The following STK24 variants were observed in gnomAD, a reference collection of about 807,000 sequenced individuals.
The protein encoded by STK24 is serine/threonine kinase 24.
Under a neutral mutation model 55.6 loss-of-function variants are expected in STK24, and 21 were observed. The observed-to-expected ratio is 0.38, with a 90% CI of 0.27 to 0.54. The LOEUF (loss-of-function observed/expected upper bound fraction) is 0.54, where lower values mean the gene tolerates loss of function less well. Among genes scored for constraint, STK24 ranks in the 20% least tolerant of loss-of-function variants. The pLI, the probability that STK24 is intolerant of heterozygous loss-of-function variation, is 0.79. For missense variants in STK24, 383 were observed against 538.4 expected (o/e 0.71, Z 2.86); for synonymous variants, 200 against 215.2 (o/e 0.93, Z 0.62).
intron 1 of STK24, among the ~76,000 whole-genome samples, chr13:98,538,160 C>T (rs1896787491): frequency 6.7e-6 from 1 of 149,832 alleles, no homozygotes. Context: ...TGCTAAGCTT[C>T]AGGTTTTAGT....
At position 98,446,670 on chromosome 13, in the gene STK24, A is replaced by G. The variant is rs769999839; in HGVS notation, c.*6503T>C. On this transcript the variant is annotated 3_prime_UTR_variant, in exon 11 of 11. Coordinates refer to ENST00000539966, the MANE Select transcript of STK24 (RefSeq NM_001032296.4). ...TGCTTTGTTTCCCCTTTCCAGGACA[A>G]TCATCCCCTTGCCAGCCTGCCTCTG... The G allele has an allele frequency of 6.2e-6, 10 of 1,613,904 alleles. No individual in the cohort carries two copies. The highest frequency in any genetic ancestry group is 4.4e-5 in the South Asian group (4 of 91,084).
At chr13:98,466,907 G>A (rs183220500) in intron 5 of STK24, among the ~76,000 whole-genome samples, 5 of 152,306 alleles carry the variant, frequency 3.3e-5, no homozygotes, top group East Asian at 1.9e-4. Context: ...GTACGCTCGC[G>A]AGTCACCCCC....
At chr13:98,484,563 A>G (rs771609718) in intron 2 of STK24, among the ~76,000 whole-genome samples, 3 of 152,176 alleles carry the variant, frequency 2.0e-5, no homozygotes, top group African/African-American at 4.8e-5. Context: ...GCAGCAAGGC[A>G]CAAGTGACCA....
chr13:98,540,834 T>C (rs967801818), intron 1 of STK24, among the ~76,000 whole-genome samples: 5 of 150,576 alleles, frequency 3.3e-5, no homozygotes, highest in African/African-American at 1.2e-4. Flanking sequence ...ACCAAGAGTT[T>C]TGCCTAGGCC....
At chr13:98,526,600 A>G (rs1225427759) in intron 1 of STK24, among the ~76,000 whole-genome samples, 1 of 152,214 alleles carries the variant, frequency 6.6e-6, no homozygotes, top group African/African-American at 2.4e-5. Flanking sequence ...GAAACAAAAA[A>G]GCAAATATTC....
At position 98,445,219 on chromosome 13, in the gene STK24, C is replaced by T. The variant is rs1320410090; in HGVS notation, c.*7954G>A. On this transcript the variant is annotated 3_prime_UTR_variant, in exon 11 of 11. Coordinates refer to ENST00000539966, the MANE Select transcript of STK24 (RefSeq NM_001032296.4). ...TGTATTTTTTATTGTGGTAAAATAGCTATACCACAATATTGGCCAACTTAA... is the reference window on the plus strand; with the variant it reads ...TGTATTTTTTATTGTGGTAAAATAGTTATACCACAATATTGGCCAACTTAA... 6.6e-6 allele frequency: 1 copy of T among 152,254 alleles called. No individual in the cohort carries two copies. Among genetic ancestry groups the T allele is most frequent in the African/African-American group, 2.4e-5 (1 of 41,450 alleles). 9.4% of individuals were successfully genotyped at this position (152,254 alleles called of 1,614,324 possible). A position where few individuals can be genotyped will look rare whatever the true frequency, so the allele number is the denominator to read the frequency against.
At chr13:98,472,358 G>A (rs1894184608) in intron 5 of STK24, among the ~76,000 whole-genome samples, 1 of 152,192 alleles carries the variant, frequency 6.6e-6, no homozygotes, top group African/African-American at 2.4e-5. Context: ...ACTCTGAAGG[G>A]AGGACTTGCC....
intron 5 of STK24, among the ~76,000 whole-genome samples, chr13:98,468,370 A>C (rs1893997227): frequency 6.6e-6 from 1 of 152,178 alleles, no homozygotes; most frequent in Non-Finnish European, 1.5e-5. Context: ...CTTGCATTGC[A>C]TTATCTTAAA....
chr13:98,469,534 T>C (rs945990409), intron 5 of STK24, among the ~76,000 whole-genome samples: 21 of 126,422 alleles, frequency 1.7e-4, no homozygotes, highest in Admixed American at 3.2e-4. Flanking sequence ...AGACCCTGCA[T>C]CCCCCCCCCC....
intron 2 of STK24, among the ~76,000 whole-genome samples, chr13:98,511,067 T>C (rs1013076414): frequency 2.6e-5 from 4 of 152,128 alleles, no homozygotes; most frequent in African/African-American, 9.7e-5. Flanking sequence ...GGCACAATCA[T>C]AGCTCACTGC....
chr13:98,484,942 C>T (rs577453951), intron 2 of STK24, among the ~76,000 whole-genome samples: 2 of 152,306 alleles, frequency 1.3e-5, no homozygotes, highest in South Asian at 2.1e-4. Context: ...ACAAGGCTCA[C>T]CAGAGGGCAC....
At chr13:98,458,258 T>C (rs1318932175) in intron 9 of STK24, among the ~76,000 whole-genome samples, 6 of 152,020 alleles carry the variant, frequency 3.9e-5, no homozygotes, top group African/African-American at 1.4e-4. Flanking sequence ...ACTGTGAAAA[T>C]AAGAGCTGTT....
intron 3 of STK24, 132 bp downstream of exon 3, chr13:98,482,132 GA>G (rs1458514610): frequency 2.6e-5 from 12 of 464,846 alleles, no homozygotes; most frequent in Non-Finnish European, 4.2e-5. Flanking sequence ...AACACGTAAG[GA>G]ATAGTTTGGT....
chr13:98,534,555 G>A (rs192272789), intron 1 of STK24, among the ~76,000 whole-genome samples: 31 of 152,260 alleles, frequency 2.0e-4, no homozygotes, highest in East Asian at 1.2e-3. Flanking sequence ...CACGCAGGCC[G>A]GAGGCTACAA....
intron 5 of STK24, among the ~76,000 whole-genome samples, chr13:98,474,227 A>C (rs1273555613): frequency 2.0e-5 from 3 of 152,196 alleles, no homozygotes; most frequent in Non-Finnish European, 4.4e-5. Context: ...GACAAGTAAA[A>C]AACAGTGGGA....
At chr13:98,483,871 A>T (rs1321016092) in intron 2 of STK24, among the ~76,000 whole-genome samples, 1 of 152,184 alleles carries the variant, frequency 6.6e-6, no homozygotes, top group Non-Finnish European at 1.5e-5. Context: ...TTCAAACTAA[A>T]TCCTGCCATC....
At chr13:98,514,043 T>C (rs1198975437) in intron 2 of STK24, among the ~76,000 whole-genome samples, 1 of 152,250 alleles carries the variant, frequency 6.6e-6, no homozygotes, top group African/African-American at 2.4e-5. Flanking sequence ...GTAGCTAGAC[T>C]GGTATTTCTT....
chr13:98,536,266 C>T (rs1188272072), intron 1 of STK24, among the ~76,000 whole-genome samples: 2 of 152,178 alleles, frequency 1.3e-5, no homozygotes, highest in African/African-American at 4.8e-5. Context: ...AGAAACCCTG[C>T]AAGCTCCAGG....
At chr13:98,525,682 G>A (rs549093051) in intron 1 of STK24, among the ~76,000 whole-genome samples, 68 of 152,304 alleles carry the variant, frequency 4.5e-4, no homozygotes, top group Non-Finnish European at 7.2e-4. Flanking sequence ...CCCTTCCCGA[G>A]CTCACCGAGC....
Sources: gnomAD v4.1 joint callset for allele counts (sites outside exome capture counted in the v4.1 genomes callset) on GRCh38, gnomAD v4.1.1 for gene constraint, MANE v1.5 for transcripts, NCBI Gene and HGNC (gene_info 2026-07-23, HGNC 2026-07-21) for gene names.